Variants in PCDHA4 observed in about 807,000 individuals in gnomAD.
The protein encoded by PCDHA4 is protocadherin alpha-4.
Under a neutral mutation model 61.4 loss-of-function variants are expected in PCDHA4, and 49 were observed. The ratio of observed to expected loss-of-function variants is 0.80; its 90% CI spans 0.63 to 1.01. PCDHA4 has a LOEUF of 1.01. PCDHA4 is among the 50% of genes least tolerant of loss of function. PCDHA4 has a pLI of 0.00. For missense variants in PCDHA4, 1,254 were observed against 1,235.8 expected (o/e 1.01, Z -0.22); for synonymous variants, 590 against 550.3 (o/e 1.07, Z -1.01).
At chr5:140,823,616 C>T in intron 1 of PCDHA4, 1 of 1,614,036 alleles carries the variant, frequency 6.2e-7, no homozygotes. Flanking sequence ...CAGCCAGCGC[C>T]TGGCAGTGCG....
intron 1 of PCDHA4, among the ~76,000 whole-genome samples, chr5:140,938,918 A>T (rs2092265154): frequency 6.6e-6 from 1 of 152,006 alleles, no homozygotes; most frequent in Non-Finnish European, 1.5e-5. Flanking sequence ...CACGCACAAG[A>T]AATTGGCTTT....
chr5:140,829,358 T>C (rs2150166463), intron 1 of PCDHA4: 4 of 1,614,154 alleles, frequency 2.5e-6, no homozygotes, highest in Admixed American at 1.7e-5. Context: ...GGCCTATGAG[T>C]TGGTGGTAAC....
chr5:140,823,006 G>T (rs2150121207), intron 1 of PCDHA4: 8 of 1,614,228 alleles, frequency 5.0e-6, no homozygotes, highest in Non-Finnish European at 6.8e-6. Flanking sequence ...GCTGGACAGC[G>T]CCCTGGACCG....
At chr5:140,908,348 T>C (rs977122453) in intron 1 of PCDHA4, among the ~76,000 whole-genome samples, 43 of 152,160 alleles carry the variant, frequency 2.8e-4, no homozygotes, top group Non-Finnish European at 5.3e-4. Flanking sequence ...CACTACCTCA[T>C]GTAACTTACT....
intron 1 of PCDHA4, among the ~76,000 whole-genome samples, chr5:140,944,593 TG>T: frequency 6.6e-6 from 1 of 152,318 alleles, no homozygotes; most frequent in South Asian, 2.1e-4. Flanking sequence ...AGAATTTCCC[TG>T]GGTAGAGTAG....
intron 3 of PCDHA4, among the ~76,000 whole-genome samples, chr5:140,994,127 A>T (rs536865883): frequency 6.6e-6 from 1 of 152,348 alleles, no homozygotes; most frequent in South Asian, 2.1e-4. Flanking sequence ...GATAAGGGCG[A>T]CAATAATGCC....
chr5:140,876,259 C>T (rs1554168431), intron 1 of PCDHA4: 7 of 1,613,952 alleles, frequency 4.3e-6, no homozygotes, highest in South Asian at 1.1e-5. Flanking sequence ...AAGAGTGATC[C>T]AACTAAATGC....
intron 1 of PCDHA4, among the ~76,000 whole-genome samples, chr5:140,942,305 G>A (rs2093264176): frequency 6.6e-6 from 1 of 152,106 alleles, no homozygotes; most frequent in Non-Finnish European, 1.5e-5. Context: ...AGCTACTTGG[G>A]AGGTCGAGGC....
chr5:140,918,473 T>G (rs1385942505), intron 1 of PCDHA4, among the ~76,000 whole-genome samples: 1 of 152,284 alleles, frequency 6.6e-6, no homozygotes, highest in East Asian at 1.9e-4. Context: ...ATTCCAAGTC[T>G]CAAGGGGAAT....
rs533936031 is a variant in PCDHA4, at chr5:140,883,438, G to A, written c.2385+73866G>A. 14 of 1,614,132 alleles carry A rather than the reference G, an allele frequency of 8.7e-6. No individual in the cohort carries two copies. The South Asian group carries it at 1.3e-4, about 15-fold the overall frequency. ...ATGGACAGGTCACCTGCACCTTGAC[G>A]CCGCATGTCCCCTTCAAGCTGGTGT... On this transcript the variant is annotated intron_variant, in intron 1 of 3. Coordinates refer to ENST00000530339, the MANE Select transcript of PCDHA4 (RefSeq NM_018907.4).
chr5:140,971,050 C>G (rs2096454255), intron 1 of PCDHA4, among the ~76,000 whole-genome samples: 1 of 152,146 alleles, frequency 6.6e-6, no homozygotes, highest in South Asian at 2.1e-4. Context: ...AAGGGTTTAG[C>G]TTTAAATAAG....
At chr5:140,858,411 CTAT>C (rs782056031) in intron 1 of PCDHA4, 1 of 1,564,168 alleles carries the variant, frequency 6.4e-7, no homozygotes. Flanking sequence ...GAAGATCAGT[CTAT>C]TGGAGGGGAC....
chr5:140,830,131 A>T (rs146220689), intron 1 of PCDHA4: 782 of 1,613,064 alleles, frequency 4.8e-4, no homozygotes, highest in Non-Finnish European at 6.4e-4. Context: ...AGGCGTCATC[A>T]CGGGCGTCGG....
At chr5:140,918,042 A>C (rs1363704503) in intron 1 of PCDHA4, among the ~76,000 whole-genome samples, 1 of 152,088 alleles carries the variant, frequency 6.6e-6, no homozygotes, top group African/African-American at 2.4e-5. Flanking sequence ...AGGTCTTTCC[A>C]TTTGTTTTAT....
At chr5:140,885,798 T>C (rs1269362409) in intron 1 of PCDHA4, among the ~76,000 whole-genome samples, 1 of 152,186 alleles carries the variant, frequency 6.6e-6, no homozygotes, top group East Asian at 1.9e-4. Context: ...TTGTCATATG[T>C]ATTTTGTTGA....
At position 140,871,104 on chromosome 5, in the gene PCDHA4, G is replaced by A. The variant is rs377444052; in HGVS notation, c.2385+61532G>A. 1,642 of 1,613,308 alleles carry A rather than the reference G, an allele frequency of 1.0e-3. 2 individuals are homozygous for A. Among genetic ancestry groups the A allele is most frequent in the Non-Finnish European group, 1.0e-3 (1,175 of 1,179,876 alleles). On this transcript the variant is annotated intron_variant, in intron 1 of 3. Coordinates refer to ENST00000530339, the MANE Select transcript of PCDHA4 (RefSeq NM_018907.4). ...CGGCCACGGCCACCGTGCTGGTGTC[G>A]TTGGTGGAGAGCGGACAGGCGCCAA...
chr5:140,913,450 T>G (rs2153526628), intron 1 of PCDHA4, among the ~76,000 whole-genome samples: 1 of 152,270 alleles, frequency 6.6e-6, no homozygotes, highest in Middle Eastern at 3.4e-3. Flanking sequence ...TCAGCTCCGA[T>G]TTTATTTACT....
chr5:140,867,676 G>T (rs2050100182), intron 1 of PCDHA4: 1 of 151,988 alleles, frequency 6.6e-6, no homozygotes, highest in Admixed American at 6.6e-5. Flanking sequence ...CTAAAATTTT[G>T]TTGCATCTTC....
chr5:140,948,318 A>G (rs1423632599), intron 1 of PCDHA4, among the ~76,000 whole-genome samples: 1 of 151,520 alleles, frequency 6.6e-6, no homozygotes, highest in Non-Finnish European at 1.5e-5. Flanking sequence ...TTGAGGGGTA[A>G]TGTTTTCATT....
Sources: gnomAD v4.1 joint callset for allele counts (sites outside exome capture counted in the v4.1 genomes callset) on GRCh38, gnomAD v4.1.1 for gene constraint, MANE v1.5 for transcripts, NCBI Gene and HGNC (gene_info 2026-07-23, HGNC 2026-07-21) for gene names.